The following DMXL1 variants were observed in gnomAD, a reference collection of about 807,000 sequenced individuals.
DMXL1 encodes dmX-like protein 1.
Under a neutral mutation model 319.2 loss-of-function variants are expected in DMXL1, and 99 were observed. The ratio of observed to expected loss-of-function variants is 0.31; its 90% CI spans 0.26 to 0.37. DMXL1 has a LOEUF of 0.37. Ranked by LOEUF, DMXL1 falls within the 10% of genes least tolerant of loss-of-function variation. The pLI is 1.00. For missense variants in DMXL1, 3,745 were observed against 3,595.6 expected (o/e 1.04, Z -1.06); for synonymous variants, 1,385 against 1,235.2 (o/e 1.12, Z -2.54).
At position 119,185,857 on chromosome 5, in the gene DMXL1, C is replaced by G. The variant is rs539592826; in HGVS notation, c.7136-3851C>G. ...TTCTTTGATGATTAAGAAGTACCTT[C>G]AATTAATTGCTTCTTTAATCCTTTT... On this transcript the variant is annotated intron_variant, in intron 28 of 43. Transcript: ENST00000539542. Among the ~76,000 whole-genome samples, 33 of 152,060 alleles carry G rather than the reference C, an allele frequency of 2.2e-4. No individual in the cohort carries two copies. The East Asian group carries it at 6.0e-3, about 28-fold the overall frequency.
intron 19 of DMXL1, among the ~76,000 whole-genome samples, chr5:119,163,275 C>T (rs544184926): frequency 9.2e-5 from 14 of 152,208 alleles, no homozygotes; most frequent in African/African-American, 3.1e-4. Context: ...TAAGAGACAA[C>T]GTAACTTATC....
intron 1 of DMXL1, among the ~76,000 whole-genome samples, chr5:119,072,821 C>A (rs1206221765): frequency 6.6e-6 from 1 of 152,122 alleles, no homozygotes; most frequent in Non-Finnish European, 1.5e-5. Context: ...TATCGGGATT[C>A]CAATTCTAAA....
chr5:119,076,194 A>G (rs1750822053), intron 1 of DMXL1, among the ~76,000 whole-genome samples: 1 of 152,208 alleles, frequency 6.6e-6, no homozygotes, highest in Admixed American at 6.5e-5. Flanking sequence ...AGTATTAGAA[A>G]ACTCAGTGTT....
rs375761880 is a variant in DMXL1 at position 119,244,500 on chromosome 5, A to G, written c.8846A>G (p.Asp2949Gly). 2 of 1,614,186 alleles carry G rather than the reference A, an allele frequency of 1.2e-6. No homozygotes were observed. Among genetic ancestry groups the G allele is most frequent in the Admixed American group, 3.3e-5 (2 of 60,024 alleles). The change falls in exon 43 of 44, where the codon GAT (aspartate) becomes GGT (glycine). Residue 2949 changes from aspartate to glycine, a missense_variant. Around this residue, in one of 4 missense-constraint regions of DMXL1, gnomAD observed 262 missense variants for 320.5 expected, o/e 0.82. Transcript: ENST00000539542. ...CAGAGGCAGCTTTTCCAGAGCCATG[A>G]TTCTCCTGTTAAAGCCGTTGCTGTT... Reference protein sequence around the residue: ...RQQRQLFQSHDSPVKAVAVDP... With the variant: ...RQQRQLFQSHGSPVKAVAVDP...
At chr5:119,229,172 A>C (rs1444781539) in intron 38 of DMXL1, among the ~76,000 whole-genome samples, 1 of 151,226 alleles carries the variant, frequency 6.6e-6, no homozygotes, top group Non-Finnish European at 1.5e-5. Context: ...AAAAAAAAAA[A>C]GACAAAAAAA....
At chr5:119,171,746 T>C in intron 24 of DMXL1, 32 bp from the exon 25 acceptor site, 1 of 1,550,938 alleles carries the variant, frequency 6.4e-7, no homozygotes, top group Non-Finnish European at 8.7e-7. Context: ...TGTAAATAGT[T>C]GGTTAACCTT....
chr5:119,091,065 GTCTTA>G (rs1754697654), intron 1 of DMXL1, among the ~76,000 whole-genome samples: 1 of 151,884 alleles, frequency 6.6e-6, no homozygotes, highest in African/African-American at 2.4e-5. Flanking sequence ...ATTGCTTTTT[GTCTTA>G]TCTTAGAGAT....
chr5:119,200,614 G>A (rs1010369606), intron 32 of DMXL1, among the ~76,000 whole-genome samples: 5 of 152,096 alleles, frequency 3.3e-5, no homozygotes, highest in Admixed American at 6.6e-5. Flanking sequence ...AAGAATGTTG[G>A]TGGTGGTTTG....
intron 13 of DMXL1, among the ~76,000 whole-genome samples, chr5:119,140,562 G>A (rs1300462732): frequency 2.6e-5 from 4 of 152,064 alleles, no homozygotes; most frequent in African/African-American, 9.7e-5. Flanking sequence ...GAACCAGGAA[G>A]AAATTGATTC....
intron 1 of DMXL1, among the ~76,000 whole-genome samples, chr5:119,091,433 A>G (rs920265691): frequency 2.6e-5 from 4 of 152,016 alleles, no homozygotes; most frequent in Non-Finnish European, 4.4e-5. Flanking sequence ...CCTGGTTTCA[A>G]ACTCCTAGGC....
intron 14 of DMXL1, 141 bp from the exon 15 acceptor site, chr5:119,144,395 G>GC (rs1406046986): frequency 3.3e-6 from 2 of 612,022 alleles, no homozygotes; most frequent in African/African-American, 1.9e-5. Flanking sequence ...TAATGGAGGT[G>GC]CCATACGCTT....
At chr5:119,245,449 A>T (rs961457387) in intron 43 of DMXL1, among the ~76,000 whole-genome samples, 15 of 152,048 alleles carry the variant, frequency 9.9e-5, no homozygotes, top group African/African-American at 3.4e-4. Flanking sequence ...TCAAATATAT[A>T]TATACCAACA....
chr5:119,115,756 T>G (rs879410612), intron 6 of DMXL1, among the ~76,000 whole-genome samples: 1 of 152,192 alleles, frequency 6.6e-6, no homozygotes, highest in Non-Finnish European at 1.5e-5. Flanking sequence ...AAAAGTCACA[T>G]GAAAATTCAT....
intron 10 of DMXL1, among the ~76,000 whole-genome samples, chr5:119,130,636 C>T (rs980986066): frequency 7.2e-5 from 11 of 152,358 alleles, no homozygotes; most frequent in African/African-American, 2.6e-4. Flanking sequence ...AGACACCATG[C>T]TCGGCCTGTG....
chr5:119,240,746 T>C (rs1788620474), intron 42 of DMXL1, among the ~76,000 whole-genome samples: 1 of 152,208 alleles, frequency 6.6e-6, no homozygotes, highest in Admixed American at 6.5e-5. Flanking sequence ...AAACATGATG[T>C]AAACTCAATA....
At chr5:119,155,337 A>G (rs1281723253) in intron 19 of DMXL1, among the ~76,000 whole-genome samples, 1 of 152,214 alleles carries the variant, frequency 6.6e-6, no homozygotes, top group Non-Finnish European at 1.5e-5. Flanking sequence ...TCTAGATGCC[A>G]TTGGGGACAT....
chr5:119,124,063 C>T (rs575760306), intron 9 of DMXL1, among the ~76,000 whole-genome samples: 2 of 151,840 alleles, frequency 1.3e-5, no homozygotes, highest in East Asian at 3.9e-4. Flanking sequence ...AATCCCAACA[C>T]TTTGGGAGGC....
chr5:119,179,596 G>T (rs2150321324), intron 28 of DMXL1, among the ~76,000 whole-genome samples: 1 of 152,156 alleles, frequency 6.6e-6, no homozygotes, highest in East Asian at 1.9e-4. Flanking sequence ...ATATTAAAAA[G>T]AATTTAGAAA....
At chr5:119,202,354 T>C (rs1227612385) in intron 32 of DMXL1, among the ~76,000 whole-genome samples, 2 of 152,172 alleles carry the variant, frequency 1.3e-5, no homozygotes, top group South Asian at 2.1e-4. Context: ...CTCTCCATGC[T>C]TCTTTAAATA....
Sources: gnomAD v4.1 joint callset for allele counts (sites outside exome capture counted in the v4.1 genomes callset) on GRCh38, gnomAD v4.1.1 for gene constraint, gnomAD v4.1.1 regional missense constraint, MANE v1.5 for transcripts, NCBI Gene and HGNC (gene_info 2026-07-23, HGNC 2026-07-21) for gene names.